Variants in FBLN7 observed in about 807,000 individuals in gnomAD.
FBLN7 encodes the protein fibulin-7.
Under a neutral mutation model 44.0 loss-of-function variants are expected in FBLN7, and 31 were observed. That is an observed-to-expected ratio of 0.70 (90% CI 0.53 to 0.95). The LOEUF (loss-of-function observed/expected upper bound fraction) is 0.95. Among genes scored for constraint, FBLN7 ranks in the 40% least tolerant of loss-of-function variants. The probability of loss-of-function intolerance (pLI) is 0.00; values close to 1 mark genes in which losing one functional copy is unlikely to be tolerated. For missense variants in FBLN7, 573 were observed against 618.5 expected, an observed-to-expected ratio of 0.93 and a Z score of 0.78; for synonymous variants, 262 against 253.4, an observed-to-expected ratio of 1.03 and a Z score of -0.32.
the FBLN7 span, among the ~76,000 whole-genome samples, chr2:112,219,758 A>G: frequency 6.6e-6 from 1 of 151,936 alleles, no homozygotes; most frequent in Non-Finnish European, 1.5e-5. Flanking sequence ...TTTTGGGTGG[A>G]GAGTTCTGCA....
rs139220318 is a variant in FBLN7 at position 112,156,337 on chromosome 2, G to A, written c.76-3339G>A. 3.3e-5 allele frequency among the ~76,000 whole-genome samples: 5 copies of A among 152,272 alleles called. No homozygotes were observed. The East Asian group carries it at 5.8e-4, about 18-fold the overall frequency. On this transcript the variant is annotated intron_variant, in intron 1 of 7. Transcript: ENST00000331203. ...CTGCTCCTAAGCCCCATGATTTGGG[G>A]GAAGGTGTTTGACTTTCAGCCTCCA...
chr2:112,158,362 C>A (rs1681545825), intron 1 of FBLN7, among the ~76,000 whole-genome samples: 1 of 152,164 alleles, frequency 6.6e-6, no homozygotes, highest in African/African-American at 2.4e-5. Flanking sequence ...CCCACCTCAG[C>A]CTTCCAAGTA....
the FBLN7 span, among the ~76,000 whole-genome samples, chr2:112,226,219 G>GTT: frequency 6.7e-6 from 1 of 148,452 alleles, no homozygotes; most frequent in Non-Finnish European, 1.5e-5. Context: ...TACCAAAGCT[G>GTT]TTTTTTTTTT....
intron 3 of FBLN7, among the ~76,000 whole-genome samples, chr2:112,171,757 T>A (rs1682473673): frequency 1.3e-5 from 2 of 152,174 alleles, no homozygotes; most frequent in South Asian, 4.1e-4. Flanking sequence ...TAACTCTTTA[T>A]GATTAGGAAG....
the FBLN7 span, chr2:112,216,278 G>A: frequency 1.3e-5 from 2 of 152,226 alleles, no homozygotes; most frequent in South Asian, 2.1e-4. Context: ...ATGTCTCAGG[G>A]AAGACCAAGC....
chr2:112,168,837 C>A (rs923877204), intron 3 of FBLN7, among the ~76,000 whole-genome samples: 1 of 152,132 alleles, frequency 6.6e-6, no homozygotes, highest in Non-Finnish European at 1.5e-5. Context: ...TTTCAAGGCC[C>A]AAAATATCAG....
At chr2:112,231,455 T>TA in the FBLN7 span, among the ~76,000 whole-genome samples, 1 of 152,284 alleles carries the variant, frequency 6.6e-6, no homozygotes, top group South Asian at 2.1e-4. Flanking sequence ...AATTACTACT[T>TA]AACTATTATT....
the FBLN7 span, among the ~76,000 whole-genome samples, chr2:112,224,347 T>TAAAAC: frequency 1.3e-5 from 2 of 152,136 alleles, no homozygotes; most frequent in African/African-American, 4.8e-5. Flanking sequence ...TTCCTGATTA[T>TAAAAC]AAAACAAAGA....
At chr2:112,160,791 C>T (rs953610821) in intron 2 of FBLN7, among the ~76,000 whole-genome samples, 37 of 145,256 alleles carry the variant, frequency 2.5e-4, no homozygotes, top group Non-Finnish European at 1.8e-4. Context: ...CGCACGCACA[C>T]GCACACACGC....
chr2:112,230,757 T>C, the FBLN7 span: 1 of 459,880 alleles, frequency 2.2e-6, no homozygotes, highest in Non-Finnish European at 3.5e-6. Flanking sequence ...TATAGGTATG[T>C]AAATATATCA....
At position 112,138,661 on chromosome 2, in the gene FBLN7, G is replaced by A. The variant is rs751406001; in HGVS notation, c.6G>A (p.Val2=). M[V]PSSPRALFLL... ...GCGGGATTCCGACTGGCAAGATGGT[G>A]CCCAGCTCTCCGCGCGCGCTCTTCC... is the stretch of plus-strand genomic sequence containing the variant. The change falls in exon 1 of 8, where the codon GTG becomes GTA. Residue 2 remains valine, a synonymous_variant. Coordinates refer to ENST00000331203, the MANE Select transcript of FBLN7 (RefSeq NM_153214.3). 2.5e-6 allele frequency: 4 copies of A among 1,613,702 alleles called. No homozygotes were observed. The highest frequency in any genetic ancestry group is 3.4e-6 in the Non-Finnish European group (4 of 1,179,914).
chr2:112,196,677 C>T, the FBLN7 span, among the ~76,000 whole-genome samples: 1 of 152,144 alleles, frequency 6.6e-6, no homozygotes, highest in Non-Finnish European at 1.5e-5. Context: ...TTAGCTCTGT[C>T]CCAGCCTCTT....
At chr2:112,241,662 C>A in the FBLN7 span, among the ~76,000 whole-genome samples, 1 of 152,336 alleles carries the variant, frequency 6.6e-6, no homozygotes, top group African/African-American at 2.4e-5. Flanking sequence ...CTGTCACTAA[C>A]ACAAATCACA....
intron 1 of FBLN7, chr2:112,153,097 G>A (rs964294117): frequency 2.6e-5 from 4 of 152,044 alleles, no homozygotes; most frequent in African/African-American, 7.2e-5. Flanking sequence ...CATATATGTG[G>A]GTGCTGAGCA....
chr2:112,166,594 CAG>C (rs1491054989), intron 3 of FBLN7, among the ~76,000 whole-genome samples: 13 of 152,162 alleles, frequency 8.5e-5, no homozygotes, highest in Non-Finnish European at 1.2e-4. Flanking sequence ...GCGAACAAAA[CAG>C]GGGAAATGCC....
the FBLN7 span, among the ~76,000 whole-genome samples, chr2:112,240,952 AGTGT>A: frequency 0.021 from 3,042 of 142,550 alleles, 32 homozygotes; most frequent in Non-Finnish European, 0.023. Context: ...TACAGGTAAC[AGTGT>A]GTGTGTGTGT....
At chr2:112,146,153 T>A (rs1558869344) in intron 1 of FBLN7, among the ~76,000 whole-genome samples, 1 of 152,212 alleles carries the variant, frequency 6.6e-6, no homozygotes, top group Non-Finnish European at 1.5e-5. Context: ...AAACCCCGTC[T>A]GTACTAAAAA....
Position 112,185,262 on chromosome 2 carries a change from C to T in FBLN7, c.870C>T (p.Thr290=), listed in dbSNP as rs370641244. The part of the protein sequence containing the change: ...VCPQGTTCIN[T]GGSFQCVSPE... ...CCCAGGGGACCACATGCATCAACAC[C>T]GGTGGAAGCTTCCAGTGTGTCAGCC... Residue 290 remains threonine (T), a synonymous_variant, in exon 7 of 8, where the codon ACC becomes ACT. Transcript: ENST00000331203. 3.0e-5 allele frequency: 48 copies of T among 1,613,990 alleles called. No homozygotes were observed. Among genetic ancestry groups the T allele is most frequent in the African/African-American group, 1.1e-4 (8 of 75,008 alleles).
At chr2:112,219,559 C>A in the FBLN7 span, among the ~76,000 whole-genome samples, 1 of 152,168 alleles carries the variant, frequency 6.6e-6, no homozygotes, top group Non-Finnish European at 1.5e-5. Context: ...ACCAGGTTAA[C>A]TTCCATGTAA....
Sources: allele counts gnomAD v4.1 joint callset (sites outside exome capture counted in the v4.1 genomes callset), GRCh38; gene constraint gnomAD v4.1.1; transcripts MANE v1.5; gene names NCBI Gene and HGNC (gene_info 2026-07-23, HGNC 2026-07-21).